Variants in MIGA1 observed in about 807,000 individuals in gnomAD.
MIGA1 encodes mitoguardin 1.
A neutral mutation model predicts 82.0 loss-of-function variants in MIGA1; 58 were observed. The ratio of observed to expected loss-of-function variants is 0.71; its 90% CI spans 0.57 to 0.88. The LOEUF (loss-of-function observed/expected upper bound fraction) is 0.88. Ranked by LOEUF, MIGA1 falls within the 40% of genes least tolerant of loss-of-function variation. MIGA1 has a pLI of 0.00. For missense variants in MIGA1, 751 were observed against 749.1 expected (o/e 1.00, Z -0.03); for synonymous variants, 249 against 253.6 (o/e 0.98, Z 0.17).
At chr1:77,833,451 C>G (rs1188063847) in intron 7 of MIGA1, among the ~76,000 whole-genome samples, 1 of 152,086 alleles carries the variant, frequency 6.6e-6, no homozygotes, top group Non-Finnish European at 1.5e-5. Context: ...TTGTTGGGGT[C>G]CCAGAAACAT....
At chr1:77,798,411 G>T in intron 2 of MIGA1, among the ~76,000 whole-genome samples, 1 of 152,184 alleles carries the variant, frequency 6.6e-6, no homozygotes, top group East Asian at 1.9e-4. Flanking sequence ...GGCTGGTGAG[G>T]CCTCACAATT....
chr1:77,815,481 TG>T (rs1683537833), intron 7 of MIGA1, among the ~76,000 whole-genome samples: 1 of 152,140 alleles, frequency 6.6e-6, no homozygotes, highest in Non-Finnish European at 1.5e-5. Flanking sequence ...AAATATATTG[TG>T]GGTGAAAAAA....
intron 4 of MIGA1, among the ~76,000 whole-genome samples, chr1:77,805,073 C>T (rs1367310683): frequency 5.4e-5 from 8 of 149,102 alleles, no homozygotes; most frequent in African/African-American, 2.0e-4. Context: ...CCGCTCACTG[C>T]AAGCTCTGCC....
chr1:77,854,063 C>G (rs1182266763), intron 8 of MIGA1, among the ~76,000 whole-genome samples: 1 of 152,110 alleles, frequency 6.6e-6, no homozygotes, highest in Non-Finnish European at 1.5e-5. Context: ...CCTCAAGTCC[C>G]CAAAGTCCAT....
At chr1:77,791,703 A>G (rs1394028551) in intron 2 of MIGA1, among the ~76,000 whole-genome samples, 1 of 151,138 alleles carries the variant, frequency 6.6e-6, no homozygotes, top group Non-Finnish European at 1.5e-5. Flanking sequence ...TGGTGGGATT[A>G]CAGGCGCACA....
intron 7 of MIGA1, among the ~76,000 whole-genome samples, chr1:77,828,021 G>A (rs1477619330): frequency 6.6e-6 from 1 of 152,038 alleles, no homozygotes; most frequent in African/African-American, 2.4e-5. Flanking sequence ...TTGGGCCACT[G>A]CACTCCAGCC....
At chr1:77,794,403 T>C (rs1276180463) in intron 2 of MIGA1, among the ~76,000 whole-genome samples, 1 of 152,192 alleles carries the variant, frequency 6.6e-6, no homozygotes, top group African/African-American at 2.4e-5. Context: ...CAGTTTTCCT[T>C]GGTTTATATG....
chr1:77,859,266 T>C, intron 9 of MIGA1, 48 bp from the exon 10 acceptor site: 1 of 1,453,284 alleles, frequency 6.9e-7, no homozygotes. Flanking sequence ...TATAGTAGGC[T>C]TGATCTTGAA....
chr1:77,833,021 A>G (rs1015489897), intron 7 of MIGA1, among the ~76,000 whole-genome samples: 13 of 152,224 alleles, frequency 8.5e-5, no homozygotes, highest in African/African-American at 3.1e-4. Flanking sequence ...TGACCACTAG[A>G]GAGATGTTAT....
Position 77,878,434 on chromosome 1 carries a change from G to A in MIGA1, c.*3370G>A, listed in dbSNP as rs1418631504. The A allele has an allele frequency of 5.7e-5, 8 of 140,084 alleles. No individual in the cohort carries two copies. Among genetic ancestry groups the A allele is most frequent in the East Asian group, 2.1e-4 (1 of 4,746 alleles). 8.7% of individuals were successfully genotyped at this position (140,084 alleles called of 1,614,324 possible). A position where few individuals can be genotyped will look rare whatever the true frequency, so the allele number is the denominator to read the frequency against. On this transcript the variant is annotated 3_prime_UTR_variant, in exon 16 of 16. Coordinates refer to ENST00000370791, the MANE Select transcript of MIGA1 (RefSeq NM_198549.4). ...AAAAAAAAAAAAAGACATATGTAAC[G>A]GTTTCCATTTGCCTTAAAATTGGGT...
intron 12 of MIGA1, 32 bp from the exon 13 acceptor site, chr1:77,863,862 T>A (rs1685561660): frequency 6.8e-7 from 1 of 1,460,730 alleles, no homozygotes; most frequent in Non-Finnish European, 9.3e-7. Context: ...TATGTAATAA[T>A]AATTTCTGTT....
intron 12 of MIGA1, among the ~76,000 whole-genome samples, chr1:77,862,959 AAAG>A (rs1271102478): frequency 1.3e-5 from 2 of 152,094 alleles, no homozygotes; most frequent in African/African-American, 4.8e-5. Context: ...AAAAAAAAAA[AAAG>A]AGTGAGTTTA....
chr1:77,860,983 G>A, intron 11 of MIGA1: 1 of 386,274 alleles, frequency 2.6e-6, no homozygotes, highest in Admixed American at 4.4e-5. Flanking sequence ...ACCAAAATAG[G>A]CATACATATT....
At chr1:77,870,229 C>T (rs1368641238) in intron 14 of MIGA1, among the ~76,000 whole-genome samples, 1 of 128,678 alleles carries the variant, frequency 7.8e-6, no homozygotes, top group Non-Finnish European at 1.7e-5. Context: ...TGACCCCCCC[C>T]CCCACCTCCC....
intron 13 of MIGA1, among the ~76,000 whole-genome samples, chr1:77,865,542 G>A (rs1212360928): frequency 3.9e-5 from 6 of 152,038 alleles, no homozygotes; most frequent in Non-Finnish European, 8.8e-5. Context: ...GCAGTGAACC[G>A]AGATCACTCC....
At chr1:77,794,472 G>A (rs942160887) in intron 2 of MIGA1, among the ~76,000 whole-genome samples, 1 of 152,148 alleles carries the variant, frequency 6.6e-6, no homozygotes, top group African/African-American at 2.4e-5. Context: ...TCAGTTGAGT[G>A]TGTCTTATGT....
Position 77,803,383 on chromosome 1 carries a change from G to A in MIGA1, c.487G>A (p.Gly163Ser). 1 of 1,551,508 alleles carries A rather than the reference G, an allele frequency of 6.4e-7. No homozygotes were observed. ...TGGAGGACTTTTCAGTAAATATTCAGGTTCTGCACAGAGTTTGGCCTCTGT... is the reference window on the plus strand; with the variant it reads ...TGGAGGACTTTTCAGTAAATATTCAAGTTCTGCACAGAGTTTGGCCTCTGT... The change falls in exon 4 of 16, where the codon GGT becomes AGT. Residue 163 changes from glycine to serine, a missense_variant. This residue lies in a region of MIGA1 where 482 missense variants were observed against 439.4 expected (regional missense o/e 1.10). Coordinates refer to ENST00000370791, the MANE Select transcript of MIGA1 (RefSeq NM_198549.4).
intron 2 of MIGA1, among the ~76,000 whole-genome samples, chr1:77,796,030 C>G (rs1353396474): frequency 6.6e-6 from 1 of 152,028 alleles, no homozygotes; most frequent in Non-Finnish European, 1.5e-5. Context: ...GTGTATTACT[C>G]ATAATATATT....
At chr1:77,818,877 C>T (rs1057405990) in intron 7 of MIGA1, among the ~76,000 whole-genome samples, 3 of 151,802 alleles carry the variant, frequency 2.0e-5, no homozygotes, top group Non-Finnish European at 4.4e-5. Flanking sequence ...GTCGGGAGTT[C>T]GAGACCAGCC....
Sources: gnomAD v4.1 joint callset for allele counts (sites outside exome capture counted in the v4.1 genomes callset) on GRCh38, gnomAD v4.1.1 for gene constraint, gnomAD v4.1.1 regional missense constraint, MANE v1.5 for transcripts, NCBI Gene and HGNC (gene_info 2026-07-23, HGNC 2026-07-21) for gene names.